Variants in CHD2 observed in about 807,000 individuals in gnomAD.
CHD2 encodes the protein chromodomain helicase DNA binding protein 2, also known as ATP-dependent chromatin remodeler CHD2.
CHD2 carries 28 observed loss-of-function variants against 243.9 expected under a neutral mutation model. That is an observed-to-expected ratio of 0.11 (90% CI 0.09 to 0.16). The LOEUF is 0.16. CHD2 is among the 10% of genes least tolerant of loss of function. The pLI, the probability that CHD2 is intolerant of heterozygous loss-of-function variation, is 1.00. For synonymous variants in CHD2, 775 were observed against 779.0 expected, an observed-to-expected ratio of 0.99 and a Z score of 0.09; for missense variants, 1,386 against 2,209.8, an observed-to-expected ratio of 0.63 and a Z score of 7.47.
At chr15:92,942,202 C>A (rs2053392617) in intron 8 of CHD2, among the ~76,000 whole-genome samples, 1 of 152,104 alleles carries the variant, frequency 6.6e-6, no homozygotes, top group Non-Finnish European at 1.5e-5. Flanking sequence ...AGCAGAGATA[C>A]CTGCTAATTA....
At chr15:92,970,035 T>G (rs2053820831) in intron 17 of CHD2, among the ~76,000 whole-genome samples, 1 of 152,260 alleles carries the variant, frequency 6.6e-6, no homozygotes, top group South Asian at 2.1e-4. Flanking sequence ...TACATAGATT[T>G]ATTTATTTCA....
At chr15:93,009,550 A>G (rs2054364487) in intron 35 of CHD2, among the ~76,000 whole-genome samples, 1 of 152,200 alleles carries the variant, frequency 6.6e-6, no homozygotes, top group Non-Finnish European at 1.5e-5. Context: ...TTATTTTATG[A>G]GAGAAAGATA....
chr15:92,945,847 G>A lies in CHD2; in HGVS notation c.1180G>A (p.Gly394Ser), dbSNP rs771650465. 1.3e-6 allele frequency: 2 copies of A among 1,579,370 alleles called. No individual in the cohort carries two copies. Among genetic ancestry groups the A allele is most frequent in the Non-Finnish European group, 1.7e-6 (2 of 1,159,668 alleles). Residue 394 changes from glycine to serine, a missense_variant, in exon 11 of 39, where the codon GGT becomes AGT. Coordinates refer to ENST00000394196, the MANE Select transcript of CHD2 (RefSeq NM_001271.4). ...TGTGAAGACAAGTAAATCTACATTG[G>A]GTCAAACAGATTTTCCAGGTAAGCA... ...IAVKTSKSTL[G>S]QTDFPAHSRK...
chr15:93,007,859 C>T (rs2054341011), intron 34 of CHD2, among the ~76,000 whole-genome samples: 1 of 152,112 alleles, frequency 6.6e-6, no homozygotes, highest in Non-Finnish European at 1.5e-5. Context: ...TATTTCTTTC[C>T]AAGATCTTTT....
chr15:92,965,883 A>G (rs1206196718), intron 16 of CHD2, among the ~76,000 whole-genome samples: 1 of 152,102 alleles, frequency 6.6e-6, no homozygotes, highest in African/African-American at 2.4e-5. Flanking sequence ...GTAAAGTTTT[A>G]ATTTATTATA....
chr15:92,969,025 G>A (rs565512993), intron 17 of CHD2, among the ~76,000 whole-genome samples: 2 of 152,176 alleles, frequency 1.3e-5, no homozygotes, highest in South Asian at 4.1e-4. Flanking sequence ...CCTTTACTAG[G>A]AAATGATATT....
chr15:92,913,075 C>T (rs2052770819), intron 2 of CHD2, among the ~76,000 whole-genome samples: 1 of 152,182 alleles, frequency 6.6e-6, no homozygotes, highest in South Asian at 2.1e-4. Context: ...ACCTGGGGTG[C>T]TTGTTCAACA....
At position 92,971,912 on chromosome 15, in the gene CHD2, A is replaced by G. The variant is rs138084718; in HGVS notation, c.2337A>G (p.Gly779=). 793 of 1,611,092 alleles carry G rather than the reference A, an allele frequency of 4.9e-4. 7 individuals carry two copies. The East Asian group carries it at 0.015, about 31-fold the overall frequency. The change falls in exon 18 of 39, where the codon GGA becomes GGG. Residue 779 remains glycine (G), a synonymous_variant. Coordinates refer to ENST00000394196, the MANE Select transcript of CHD2 (RefSeq NM_001271.4). ...CTGAAGAAAATGAAAGGGAAAATGG[A>G]CAGGAGATTCTTCTGGTAGGTAGTT... ...KPPEENEREN[G]QEILLSLIRS...
chr15:92,968,527 T>C (rs1006681501), intron 17 of CHD2, among the ~76,000 whole-genome samples: 1 of 152,240 alleles, frequency 6.6e-6, no homozygotes, highest in South Asian at 2.1e-4. Flanking sequence ...TGACTAACGA[T>C]GAGCATTGCC....
chr15:92,941,940 C>T lies in CHD2; in HGVS notation c.811C>T (p.Leu271=), dbSNP rs185082013. The change falls in exon 8 of 39, where the codon CTG becomes TTG. Residue 271 remains leucine, a synonymous_variant. Transcript: ENST00000394196. ...ETIEKVLDSR[L]GKKGATGAST... The stretch of plus-strand genomic sequence containing the variant: ...TATTGAAAAGGTCTTAGATTCAAGA[C>T]TGGGAAAGAAAGGAGGTATGTGTAT... The T allele has an allele frequency of 1.9e-6, 3 of 1,612,632 alleles. No homozygotes were observed. The South Asian group carries it at 3.3e-5, about 18-fold the overall frequency.
chr15:92,959,711 C>T (rs576951679), intron 16 of CHD2, among the ~76,000 whole-genome samples: 2 of 152,250 alleles, frequency 1.3e-5, no homozygotes, highest in African/African-American at 2.4e-5. Context: ...AGGCTGGTCT[C>T]GAACTCCTGA....
rs535294505 is a variant in CHD2, at chr15:92,924,114, A to G, written c.63-207A>G. Reference sequence around the variant, plus strand: ...ACCTGTTCTGTAGCATCATGTAAACATTCAGGAAAGGGTAGCTATTGGGGA... The same window carrying G: ...ACCTGTTCTGTAGCATCATGTAAACGTTCAGGAAAGGGTAGCTATTGGGGA... On this transcript the variant is annotated intron_variant, in intron 2 of 38. Coordinates refer to ENST00000394196, the MANE Select transcript of CHD2 (RefSeq NM_001271.4). 1.2e-4 allele frequency among the ~76,000 whole-genome samples: 18 copies of G among 152,294 alleles called. No homozygotes were observed. The South Asian group carries it at 3.1e-3, about 26-fold the overall frequency.
chr15:92,997,291 A>T lies in CHD2; in HGVS notation c.3773A>T (p.Asp1258Val). The change falls in exon 30 of 39, where the codon GAT becomes GTT. Residue 1258 changes from aspartate to valine, a missense_variant. Asp to Val is a radical substitution (Grantham distance 152). Coordinates refer to ENST00000394196, the MANE Select transcript of CHD2 (RefSeq NM_001271.4). This position sits in a 1 kb window ranked among gnomAD's most constrained non-coding sequence, Gnocchi z 4.1. ...LTCRVKAAHF[D>V]VEWGVEDDSR... ...TGTCGTGTCAAAGCTGCACATTTTG[A>T]TGTAGAGTGGGGGGTGGAAGATGAT... The T allele has an allele frequency of 6.2e-7, 1 of 1,613,942 alleles. No individual in the cohort carries two copies. The highest frequency in any genetic ancestry group is 8.5e-7 in the Non-Finnish European group (1 of 1,179,994).
intron 16 of CHD2, 79 bp from the exon 17 acceptor site, chr15:92,967,246 A>AT: frequency 2.0e-6 from 2 of 1,022,192 alleles, no homozygotes; most frequent in Non-Finnish European, 2.8e-6. Flanking sequence ...TATGGGAAAG[A>AT]TTCATTTTTT....
chr15:92,988,637 AGGAAAGTCTTAATTTCTT>A (rs2054075739), intron 26 of CHD2, among the ~76,000 whole-genome samples: 1 of 152,154 alleles, frequency 6.6e-6, no homozygotes, highest in Non-Finnish European at 1.5e-5. Flanking sequence ...TCATTTTTGA[AGGAAAGTCTTAATTTCTT>A]TTTTTCTGTT....
At chr15:93,003,552 A>G (rs1172586006) in intron 33 of CHD2, among the ~76,000 whole-genome samples, 2 of 144,546 alleles carry the variant, frequency 1.4e-5, no homozygotes, top group Non-Finnish European at 3.0e-5. Flanking sequence ...TGTTGTTAAT[A>G]TTTTTTCATG....
At chr15:92,925,858 G>A (rs1293837728) in intron 3 of CHD2, among the ~76,000 whole-genome samples, 3 of 152,110 alleles carry the variant, frequency 2.0e-5, no homozygotes, top group African/African-American at 7.2e-5. Flanking sequence ...CCTATTCTGG[G>A]CCATCTTTTC....
intron 18 of CHD2, 48 bp from the exon 19 acceptor site, chr15:92,972,217 A>G: frequency 6.4e-7 from 1 of 1,574,338 alleles, no homozygotes; most frequent in Non-Finnish European, 8.7e-7. Context: ...AGGGAAGATT[A>G]AAATTTGTGT....
chr15:92,935,325 C>T (rs553297013), intron 5 of CHD2, among the ~76,000 whole-genome samples: 18 of 152,270 alleles, frequency 1.2e-4, no homozygotes, highest in Admixed American at 3.9e-4. Context: ...CGTGAGCCAC[C>T]GCGCCCGACC....
Sources: gnomAD v4.1 joint callset for allele counts (sites outside exome capture counted in the v4.1 genomes callset) on GRCh38, gnomAD v4.1.1 for gene constraint, Gnocchi (gnomAD v3.1) non-coding constraint, MANE v1.5 for transcripts, NCBI Gene and HGNC (gene_info 2026-07-23, HGNC 2026-07-21) for gene names.